Variants in WDR43 observed in about 807,000 individuals in gnomAD.
The protein encoded by WDR43 is WD repeat-containing protein 43.
WDR43 carries 13 observed loss-of-function variants against 91.4 expected under a neutral mutation model. That is an observed-to-expected ratio of 0.14 (90% CI 0.09 to 0.23). WDR43 has a LOEUF of 0.23. Ranked by LOEUF, WDR43 falls within the 10% of genes least tolerant of loss-of-function variation. The pLI is 1.00. For missense variants in WDR43, 780 were observed against 809.4 expected, an observed-to-expected ratio of 0.96 and a Z score of 0.44; for synonymous variants, 331 against 287.9, an observed-to-expected ratio of 1.15 and a Z score of -1.51.
intron 4 of WDR43, 30 bp downstream of exon 4, chr2:28,912,740 A>G: frequency 6.2e-7 from 1 of 1,608,156 alleles, no homozygotes; most frequent in Non-Finnish European, 8.5e-7. Flanking sequence ...TGTAAGCATA[A>G]AAATTATAGA....
chr2:28,934,929 A>G (rs1671311081), intron 11 of WDR43, among the ~76,000 whole-genome samples: 1 of 152,154 alleles, frequency 6.6e-6, no homozygotes, highest in Non-Finnish European at 1.5e-5. Context: ...AAGAAGTTGA[A>G]CAACCTGTGC....
intron 3 of WDR43, among the ~76,000 whole-genome samples, 157 bp from the exon 4 acceptor site, chr2:28,912,433 G>A (rs1463266117): frequency 6.6e-6 from 1 of 152,196 alleles, no homozygotes; most frequent in Non-Finnish European, 1.5e-5. Flanking sequence ...GTATGTCCAG[G>A]GTTAGTTACC....
chr2:28,919,434 C>T (rs746062839), intron 6 of WDR43, among the ~76,000 whole-genome samples: 3 of 151,924 alleles, frequency 2.0e-5, no homozygotes, highest in Non-Finnish European at 4.4e-5. Flanking sequence ...TTTGGGAGGC[C>T]GAGGCAGGTG....
chr2:28,930,455 A>G (rs1380821508), intron 11 of WDR43, among the ~76,000 whole-genome samples: 1 of 152,240 alleles, frequency 6.6e-6, no homozygotes, highest in Non-Finnish European at 1.5e-5. Flanking sequence ...GTGAGTGTCA[A>G]TGTGACTTTA....
chr2:28,918,715 C>G (rs1018888416), intron 6 of WDR43, among the ~76,000 whole-genome samples: 1 of 152,006 alleles, frequency 6.6e-6, no homozygotes, highest in African/African-American at 2.4e-5. Flanking sequence ...TGTTTGCTGC[C>G]TATAAAAAAA....
In WDR43 at chr2:28,894,686, G is replaced by A. The variant is rs917001765; in HGVS notation, c.-13G>A. ...ACGGACGAACACGTGGCTGCAGCGG[G>A]GCCAGAGCAGCAATGGCGGCGGGCG... On this transcript the variant is annotated 5_prime_UTR_variant, in exon 1 of 18. Coordinates refer to ENST00000407426, the MANE Select transcript of WDR43 (RefSeq NM_015131.3). 5 of 1,550,810 alleles carry A rather than the reference G, an allele frequency of 3.2e-6. No homozygotes were observed. The Admixed American group carries it at 5.8e-5, about 18-fold the overall frequency.
At chr2:28,933,725 A>T (rs1331600573) in intron 11 of WDR43, among the ~76,000 whole-genome samples, 1 of 152,218 alleles carries the variant, frequency 6.6e-6, no homozygotes, top group Non-Finnish European at 1.5e-5. Context: ...AAGCACATGT[A>T]AAGGTATTAT....
chr2:28,917,500 A>C (rs115794722), intron 5 of WDR43, among the ~76,000 whole-genome samples: 1 of 152,238 alleles, frequency 6.6e-6, no homozygotes, highest in African/African-American at 2.4e-5. Flanking sequence ...GGAAATAACA[A>C]ATGACAATAG....
rs187337259 is a variant in WDR43, at chr2:28,903,416, C to G, written c.363+1292C>G. 7.2e-5 allele frequency among the ~76,000 whole-genome samples: 11 copies of G among 152,216 alleles called. No homozygotes were observed. The East Asian group carries it at 1.2e-3, about 16-fold the overall frequency. ...TAATATCAGTGATAGGAGATAAGTA[C>G]TTTATCTCAGCAGTATCATTACCAC... On this transcript the variant is annotated intron_variant, in intron 2 of 17. Transcript: ENST00000407426.
At chr2:28,925,936 T>C (rs939228160) in intron 8 of WDR43, among the ~76,000 whole-genome samples, 1 of 152,222 alleles carries the variant, frequency 6.6e-6, no homozygotes, top group African/African-American at 2.4e-5. Context: ...CATGGGCATA[T>C]AGAATTATGT....
At chr2:28,919,242 T>A (rs1019311160) in intron 6 of WDR43, among the ~76,000 whole-genome samples, 51 of 149,560 alleles carry the variant, frequency 3.4e-4, no homozygotes, top group Non-Finnish European at 6.9e-4. Context: ...TGGGTGACAG[T>A]GAGACCCCGT....
chr2:28,894,719 T>TAGCTGCGACCCC lies in WDR43; in HGVS notation c.22_33dup (p.Ser8_Pro11dup). 6.4e-7 allele frequency: 1 copy of TAGCTGCGACCCC among 1,558,500 alleles called. No individual in the cohort carries two copies. The highest frequency in any genetic ancestry group is 8.7e-7 in the Non-Finnish European group (1 of 1,153,000). On this transcript the variant is annotated inframe_insertion, in exon 1 of 18. Transcript: ENST00000407426. ...CAGCAATGGCGGCGGGCGGCGGCGGTAGCTGCGACCCCCTGGCCCCTGCTG... is the reference window on the plus strand; with the variant it reads ...CAGCAATGGCGGCGGGCGGCGGCGGTAGCTGCGACCCCAGCTGCGACCCCCTGGCCCCTGCTG...
chr2:28,906,827 G>C (rs533620186), intron 3 of WDR43, among the ~76,000 whole-genome samples: 2 of 152,286 alleles, frequency 1.3e-5, no homozygotes, highest in East Asian at 3.9e-4. Flanking sequence ...TGTCAGCCGA[G>C]TACAGTAGTG....
At chr2:28,910,822 C>T (rs12620330) in intron 3 of WDR43, among the ~76,000 whole-genome samples, 40,118 of 151,352 alleles carry the variant, frequency 0.27, 6,489 homozygotes, top group East Asian at 0.77. Flanking sequence ...CTCAGCCTCC[C>T]GAGTACCTGG....
chr2:28,900,363 T>C (rs1558367015), intron 1 of WDR43, among the ~76,000 whole-genome samples: 1 of 152,140 alleles, frequency 6.6e-6, no homozygotes, highest in Non-Finnish European at 1.5e-5. Context: ...TTTGTATTTT[T>C]AGTAGAGACG....
chr2:28,943,999 A>G (rs768323255), intron 16 of WDR43, among the ~76,000 whole-genome samples: 6 of 152,224 alleles, frequency 3.9e-5, no homozygotes, highest in Non-Finnish European at 7.3e-5. Flanking sequence ...TGTGTATCCC[A>G]GTGACCAATA....
chr2:28,895,057 G>T, intron 1 of WDR43, 134 bp downstream of exon 1: 1 of 925,480 alleles, frequency 1.1e-6, no homozygotes, highest in South Asian at 3.2e-5. Context: ...GGCGGCGTCG[G>T]CGCGTTCAGG....
intron 6 of WDR43, among the ~76,000 whole-genome samples, chr2:28,918,424 A>G (rs191647131): frequency 9.1e-4 from 138 of 151,906 alleles, no homozygotes; most frequent in African/African-American, 3.2e-3. Context: ...GCTGGAGTGC[A>G]ATGGCACGGT....
At chr2:28,941,762 T>A (rs1671441950) in intron 15 of WDR43, among the ~76,000 whole-genome samples, 188 bp downstream of exon 15, 1 of 152,118 alleles carries the variant, frequency 6.6e-6, no homozygotes, top group Non-Finnish European at 1.5e-5. Flanking sequence ...TGCACCACCA[T>A]GCCTGGCTAA....
Sources: allele counts gnomAD v4.1 joint callset (sites outside exome capture counted in the v4.1 genomes callset), GRCh38; gene constraint gnomAD v4.1.1; transcripts MANE v1.5; gene names NCBI Gene and HGNC (gene_info 2026-07-23, HGNC 2026-07-21).